Variants in ADSS2 observed in about 807,000 individuals in gnomAD.
ADSS2 encodes the protein adenylosuccinate synthase 2.
In ADSS2, 30 loss-of-function variants were observed where a neutral mutation model predicts 60.0. The ratio of observed to expected loss-of-function variants is 0.50; its 90% CI spans 0.37 to 0.68. The LOEUF is 0.68. ADSS2 is among the 30% of genes least tolerant of loss of function. The pLI, the probability that ADSS2 is intolerant of heterozygous loss-of-function variation, is 0.00. For missense variants in ADSS2, 373 were observed against 554.8 expected, an observed-to-expected ratio of 0.67 and a Z score of 3.29; for synonymous variants, 187 against 193.1, an observed-to-expected ratio of 0.97 and a Z score of 0.26.
At chr1:244,445,129 T>C (rs902775060) in intron 1 of ADSS2, among the ~76,000 whole-genome samples, 2 of 152,180 alleles carry the variant, frequency 1.3e-5, no homozygotes, top group African/African-American at 2.4e-5. Context: ...AAGAAAAAGG[T>C]TGCCAGTTCT....
At chr1:244,425,170 A>G (rs1018222615) in intron 4 of ADSS2, among the ~76,000 whole-genome samples, 1 of 152,172 alleles carries the variant, frequency 6.6e-6, no homozygotes, top group East Asian at 1.9e-4. Context: ...CGGTGCAAAC[A>G]TGTCCTCAAA....
chr1:244,451,742 C>T lies in ADSS2; in HGVS notation c.76G>A (p.Gly26Arg). 2 of 1,605,646 alleles carry T rather than the reference C, an allele frequency of 1.2e-6. No individual in the cohort carries two copies. The highest frequency in any genetic ancestry group is 1.7e-6 in the Non-Finnish European group (2 of 1,176,410). Residue 26 changes from glycine to arginine, a missense_variant, in exon 1 of 13, where the codon GGA (glycine) becomes AGA (arginine). By Grantham distance (125) the Gly-to-Arg change is moderately radical. Coordinates refer to ENST00000366535, the MANE Select transcript of ADSS2 (RefSeq NM_001126.5). This position sits in a 1 kb window ranked among gnomAD's most constrained non-coding sequence, Gnocchi z 6.6. Reference sequence around the variant, plus strand: ...AGCACCACCGTCACCCGGTTTCCTCCGGGCCGCGCCCTGGGGCGGCCGCAA... The same window carrying T: ...AGCACCACCGTCACCCGGTTTCCTCTGGGCCGCGCCCTGGGGCGGCCGCAA... Reference protein sequence around the residue: ...GDCGRPRARPGGNRVTVVLGA... With the variant: ...GDCGRPRARPRGNRVTVVLGA...
At chr1:244,413,368 C>T (rs1242360054) in intron 11 of ADSS2, among the ~76,000 whole-genome samples, 2 of 152,204 alleles carry the variant, frequency 1.3e-5, no homozygotes, top group Non-Finnish European at 2.9e-5. Context: ...ATAAAATACA[C>T]AGTTCCCAAC....
At chr1:244,409,669 A>G (rs368822909) in intron 12 of ADSS2, 31 bp from the exon 13 acceptor site, 3 of 1,515,892 alleles carry the variant, frequency 2.0e-6, no homozygotes, top group South Asian at 1.1e-5. Flanking sequence ...AAGGAATTGA[A>G]TCAATTCATC....
At chr1:244,431,880 C>A (rs377284730) in intron 4 of ADSS2, among the ~76,000 whole-genome samples, 12 of 152,186 alleles carry the variant, frequency 7.9e-5, no homozygotes, top group Non-Finnish European at 7.3e-5. Flanking sequence ...CTTGATGAGG[C>A]TGCCTTTTAA....
intron 4 of ADSS2, among the ~76,000 whole-genome samples, chr1:244,428,117 T>A (rs537881968): frequency 6.6e-6 from 1 of 152,208 alleles, no homozygotes; most frequent in African/African-American, 2.4e-5. Context: ...TATCAAACAA[T>A]TTGATTTAAT....
chr1:244,447,610 T>C (rs934464837), intron 1 of ADSS2, among the ~76,000 whole-genome samples: 3 of 152,090 alleles, frequency 2.0e-5, no homozygotes, highest in East Asian at 3.8e-4. Context: ...GAAAAAGATA[T>C]AAATATCAGT....
chr1:244,433,032 T>C (rs1404553904), intron 3 of ADSS2, among the ~76,000 whole-genome samples: 1 of 151,758 alleles, frequency 6.6e-6, no homozygotes, highest in Non-Finnish European at 1.5e-5. Flanking sequence ...AGGCCAGGGG[T>C]TCGAGACCAG....
intron 1 of ADSS2, among the ~76,000 whole-genome samples, chr1:244,441,190 C>A (rs1290122456): frequency 1.3e-5 from 2 of 152,004 alleles, no homozygotes; most frequent in Non-Finnish European, 2.9e-5. Context: ...CCCCAAGTAG[C>A]TGGGACTACA....
rs74692652 is a variant in ADSS2, at chr1:244,423,009, T to C, written c.582-93A>G. On this transcript the variant is annotated intron_variant, in intron 6 of 12. Coordinates refer to ENST00000366535, the MANE Select transcript of ADSS2 (RefSeq NM_001126.5). ...TCAAATGGTTTCTGCAGATGGTAAATGATCTTAACAGCAAATTAATCCTGA... is the reference window on the plus strand; with the variant it reads ...TCAAATGGTTTCTGCAGATGGTAAACGATCTTAACAGCAAATTAATCCTGA... The C allele has an allele frequency of 2.0e-3, 1,570 of 788,834 alleles. 15 individuals are homozygous for C. In the African/African-American group the frequency reaches 0.025, roughly 13 times the overall value. The allele number at this position is 788,834 out of a possible 1,614,324, so 48.9% of individuals were successfully genotyped here. A position where few individuals can be genotyped will look rare whatever the true frequency, so the allele number is the denominator to read the frequency against.
intron 12 of ADSS2, among the ~76,000 whole-genome samples, chr1:244,410,949 G>A (rs1002658061): frequency 6.6e-6 from 1 of 152,144 alleles, no homozygotes; most frequent in Non-Finnish European, 1.5e-5. Flanking sequence ...CAGTTGGCCG[G>A]GCATGCTGGC....
intron 5 of ADSS2, 32 bp downstream of exon 5, chr1:244,424,289 A>G (rs1490764091): frequency 6.3e-7 from 1 of 1,599,510 alleles, no homozygotes; most frequent in Non-Finnish European, 8.6e-7. Context: ...ATATGCTTAA[A>G]CTGTACCAAA....
At chr1:244,435,194 A>AC (rs1273528600) in intron 3 of ADSS2, among the ~76,000 whole-genome samples, 8 of 127,852 alleles carry the variant, frequency 6.3e-5, no homozygotes, top group African/African-American at 1.3e-4. Flanking sequence ...AAAAAAAAAA[A>AC]AAACAAACCT....
rs1046696541 is a variant in ADSS2 at position 244,428,257 on chromosome 1, T to C, written c.407-3870A>G. ...TCTCAACAAAGATTAGGATCATACA[T>C]ATTCTCTGTTCACAATAAAATTAAA... On this transcript the variant is annotated intron_variant, in intron 4 of 12. Coordinates refer to ENST00000366535, the MANE Select transcript of ADSS2 (RefSeq NM_001126.5). Among the ~76,000 whole-genome samples, 10 of 152,274 alleles carry C rather than the reference T, an allele frequency of 6.6e-5. No individual in the cohort carries two copies. In the South Asian group the frequency reaches 1.2e-3, roughly 19 times the overall value.
intron 12 of ADSS2, among the ~76,000 whole-genome samples, chr1:244,410,801 A>G (rs1366096583): frequency 6.6e-6 from 1 of 152,244 alleles, no homozygotes; most frequent in Non-Finnish European, 1.5e-5. Flanking sequence ...AAAGATGAGC[A>G]TCGTATTTAC....
chr1:244,452,029 G>T (rs1665643419), upstream of ADSS2: 1 of 429,410 alleles, frequency 2.3e-6, no homozygotes, highest in Non-Finnish European at 4.0e-6. Context: ...CCCCGCGCAG[G>T]CCGGCCTCGG....
chr1:244,433,150 C>T (rs1382332867), intron 3 of ADSS2, among the ~76,000 whole-genome samples: 1 of 152,062 alleles, frequency 6.6e-6, no homozygotes, highest in East Asian at 1.9e-4. Context: ...GCACGAGAAT[C>T]ACTTGAACCC....
chr1:244,436,787 A>G (rs901794805), intron 3 of ADSS2, 38 bp downstream of exon 3: 7 of 1,539,736 alleles, frequency 4.5e-6, no homozygotes, highest in East Asian at 2.3e-5. Flanking sequence ...AACTTTACAA[A>G]GAACAACTGG....
At chr1:244,447,074 C>T (rs1665409384) in intron 1 of ADSS2, among the ~76,000 whole-genome samples, 1 of 152,072 alleles carries the variant, frequency 6.6e-6, no homozygotes, top group South Asian at 2.1e-4. Flanking sequence ...CACAGGAACT[C>T]CCCTTCATTT....
Sources: allele counts gnomAD v4.1 joint callset (sites outside exome capture counted in the v4.1 genomes callset), GRCh38; gene constraint gnomAD v4.1.1; non-coding constraint Gnocchi (gnomAD v3.1); transcripts MANE v1.5; gene names NCBI Gene and HGNC (gene_info 2026-07-23, HGNC 2026-07-21).